Variants in LRRC9 observed in about 807,000 individuals in gnomAD.
The protein encoded by LRRC9 is leucine-rich repeat-containing protein 9.
A neutral mutation model predicts 63.2 loss-of-function variants in LRRC9; 122 were observed. That is an observed-to-expected ratio of 1.93 (90% CI 1.67 to 2.24). The LOEUF (loss-of-function observed/expected upper bound fraction) is 2.24, where lower values mean the gene tolerates loss of function less well. LRRC9 is among the 30% of genes most tolerant of loss of function. The probability of loss-of-function intolerance (pLI) is 0.00; values close to 1 mark genes in which losing one functional copy is unlikely to be tolerated. For synonymous variants in LRRC9, 366 were observed against 213.1 expected (o/e 1.72, Z -6.25); for missense variants, 1,071 against 627.7 (o/e 1.71, Z -7.55).
intron 4 of LRRC9, 132 bp downstream of exon 4, chr14:59,931,190 GAACT>G (rs1889673255): frequency 3.4e-6 from 1 of 293,892 alleles, no homozygotes; most frequent in African/African-American, 2.2e-5. Flanking sequence ...TTGTCAAAAA[GAACT>G]AACATGTATA....
chr14:60,049,006 C>T (rs565377632), intron 29 of LRRC9, among the ~76,000 whole-genome samples: 1 of 152,260 alleles, frequency 6.6e-6, no homozygotes, highest in Non-Finnish European at 1.5e-5. Context: ...TGTGGCTCAT[C>T]ACATGCAAAG....
Position 60,042,825 on chromosome 14 carries a change from G to A in LRRC9, c.3991-10240G>A, listed in dbSNP as rs569819321. 6.6e-6 allele frequency among the ~76,000 whole-genome samples: 1 copy of A among 152,132 alleles called. No individual in the cohort carries two copies. The highest frequency in any genetic ancestry group is 1.5e-5 in the Non-Finnish European group (1 of 68,016). On this transcript the variant is annotated intron_variant, in intron 29 of 31. Transcript: ENST00000445360. The surrounding 1 kb of genome is among the most constrained non-coding windows in gnomAD (Gnocchi z 4.2). The stretch of plus-strand genomic sequence containing the variant: ...GCAGAAATCACCCATCTTCGGTGTC[G>A]CTCACACTGGGAGCTGTAGACTGGA...
At chr14:59,975,584 T>C (rs1886182665) in intron 13 of LRRC9, among the ~76,000 whole-genome samples, 1 of 152,154 alleles carries the variant, frequency 6.6e-6, no homozygotes, top group Non-Finnish European at 1.5e-5. Context: ...GTACATTCTT[T>C]AGTTCCACAA....
rs1037912572 is a variant in LRRC9 at position 60,060,938 on chromosome 14, C to T, written c.4277-2385C>T. Among the ~76,000 whole-genome samples the T allele has an allele frequency of 1.3e-5, 2 of 152,124 alleles. No homozygotes were observed. Among genetic ancestry groups the T allele is most frequent in the East Asian group, 3.9e-4 (2 of 5,190 alleles). Reference sequence around the variant, plus strand: ...AGGACTTCAGTGAAGGAAGTAACTGCAGATGTGTGGAAACAGCAAGAGAAC... The same window carrying T: ...AGGACTTCAGTGAAGGAAGTAACTGTAGATGTGTGGAAACAGCAAGAGAAC... On this transcript the variant is annotated intron_variant, in intron 31 of 31. Coordinates refer to ENST00000445360, the Ensembl canonical transcript of LRRC9. This position sits in a 1 kb window ranked among gnomAD's most constrained non-coding sequence, Gnocchi z 4.0.
intron 31 of LRRC9, 69 bp from the exon 33 acceptor site, chr14:60,063,254 C>T (rs1894771915): frequency 1.5e-6 from 1 of 675,958 alleles, no homozygotes; most frequent in South Asian, 1.6e-5. Flanking sequence ...GCAGAATTAC[C>T]TTAAGTTAGC....
At chr14:59,998,057 A>AT (rs1888986236) in intron 18 of LRRC9, among the ~76,000 whole-genome samples, 1 of 152,036 alleles carries the variant, frequency 6.6e-6, no homozygotes, top group Non-Finnish European at 1.5e-5. Context: ...TTCAAAACAG[A>AT]TTTTTTGTAA....
chr14:60,061,042 T>C (rs1042382197), intron 31 of LRRC9, among the ~76,000 whole-genome samples: 1 of 152,196 alleles, frequency 6.6e-6, no homozygotes. Flanking sequence ...TTGCTTCTTA[T>C]GGAGGAGCAA....
chr14:60,021,283 A>C (rs1244887718), intron 26 of LRRC9, among the ~76,000 whole-genome samples: 1 of 151,840 alleles, frequency 6.6e-6, no homozygotes, highest in Non-Finnish European at 1.5e-5. Flanking sequence ...TTAATCCTTC[A>C]TATATCTTCT....
chr14:59,929,414 C>CAAA (rs200248895), intron 3 of LRRC9, among the ~76,000 whole-genome samples: 4 of 148,478 alleles, frequency 2.7e-5, no homozygotes, highest in Non-Finnish European at 3.0e-5. Context: ...ATTAAAAAGT[C>CAAA]AAAAAAAAAA....
intron 6 of LRRC9, among the ~76,000 whole-genome samples, chr14:59,935,059 G>A (rs1416155307): frequency 6.6e-6 from 1 of 151,656 alleles, no homozygotes; most frequent in African/African-American, 2.4e-5. Flanking sequence ...GCCGAGGCGG[G>A]CGGATCACTT....
rs536448008 is a variant in LRRC9 at position 60,058,586 on chromosome 14, T to C, written c.4276+564T>C. On this transcript the variant is annotated intron_variant, in intron 31 of 31. Transcript: ENST00000445360. The surrounding 1 kb of genome is among the most constrained non-coding windows in gnomAD (Gnocchi z 4.4). ...CATGGAAGTGGTTTATTCTGCTATA[T>C]AAATTTTAGTTCAAGTTTAGAATAA... Among the ~76,000 whole-genome samples, 2 of 152,296 alleles carry C rather than the reference T, an allele frequency of 1.3e-5. No individual in the cohort carries two copies. Among genetic ancestry groups the C allele is most frequent in the South Asian group, 2.1e-4 (1 of 4,830 alleles).
In LRRC9 at chr14:60,053,652, C is replaced by CT. The variant is rs577277804; in HGVS notation, c.4131+448dup. 4.2e-4 allele frequency among the ~76,000 whole-genome samples: 64 copies of CT among 152,186 alleles called. 1 individual carries two copies. The highest frequency in any genetic ancestry group is 8.1e-4 in the Non-Finnish European group (55 of 68,002). ...CAACTCTCTGGATTGTGTAGTTTAT[C>CT]TAAGAAAGGAGATGTGTGCCTCTAT... On this transcript the variant is annotated intron_variant, in intron 30 of 31. Transcript: ENST00000445360. This position sits in a 1 kb window ranked among gnomAD's most constrained non-coding sequence, Gnocchi z 4.8.
intron 29 of LRRC9, among the ~76,000 whole-genome samples, chr14:60,040,332 G>A (rs527703664): frequency 3.3e-5 from 5 of 151,826 alleles, no homozygotes; most frequent in Non-Finnish European, 1.5e-5. Context: ...TTTCTGTCTC[G>A]TTGATCTGTC....
chr14:59,996,250 C>T (rs983457567), intron 17 of LRRC9, among the ~76,000 whole-genome samples: 1 of 151,868 alleles, frequency 6.6e-6, no homozygotes, highest in African/African-American at 2.4e-5. Context: ...GCCAAATATC[C>T]TTTCGTTCAA....
rs1884636911 is a variant in LRRC9 at position 59,964,419 on chromosome 14, CACTT to C, written c.1212-2165_1212-2162del. On this transcript the variant is annotated intron_variant, in intron 10 of 31. Transcript: ENST00000445360. The surrounding 1 kb of genome is among the most constrained non-coding windows in gnomAD (Gnocchi z 4.4). ...ACCCAGAATGCTTTTGCATACCTCA[CACTT>C]ACTTCATCATTGCTCAGCTGCTGAA... 6.6e-6 allele frequency among the ~76,000 whole-genome samples: 1 copy of C among 152,166 alleles called. No individual in the cohort carries two copies. The highest frequency in any genetic ancestry group is 6.5e-5 in the Admixed American group (1 of 15,278).
At chr14:60,045,273 AC>A (rs1893320565) in intron 29 of LRRC9, among the ~76,000 whole-genome samples, 1 of 151,974 alleles carries the variant, frequency 6.6e-6, no homozygotes, top group Non-Finnish European at 1.5e-5. Flanking sequence ...AAAAATTTCA[AC>A]TTTTATTTTA....
chr14:59,976,964 T>A (rs1280736303), intron 13 of LRRC9, among the ~76,000 whole-genome samples: 3 of 152,216 alleles, frequency 2.0e-5, no homozygotes, highest in Admixed American at 1.3e-4. Context: ...TGTTCTTTCC[T>A]TCTCCCTCTT....
At chr14:60,014,383 C>G (rs939138825) in intron 23 of LRRC9, among the ~76,000 whole-genome samples, 10 of 151,774 alleles carry the variant, frequency 6.6e-5, no homozygotes, top group African/African-American at 2.2e-4. Context: ...TTCCAAGATT[C>G]CTTTTTTTTT....
At chr14:60,028,069 G>A (rs762607095) in exon 28 of LRRC9, 2 of 701,384 alleles carry the variant, frequency 2.9e-6, no homozygotes, top group Non-Finnish European at 2.6e-6. Context: ...GGTAAAACTA[G>A]AGAAACTCTT....
Sources: gnomAD v4.1 joint callset for allele counts (sites outside exome capture counted in the v4.1 genomes callset) on GRCh38, gnomAD v4.1.1 for gene constraint, Gnocchi (gnomAD v3.1) non-coding constraint, MANE v1.5 for transcripts, NCBI Gene and HGNC (gene_info 2026-07-23, HGNC 2026-07-21) for gene names.